Variants in MIEF1 observed in about 807,000 individuals in gnomAD.
MIEF1 encodes the protein mitochondrial elongation factor 1.
In MIEF1, 14 loss-of-function variants were observed where a neutral mutation model predicts 35.1. The ratio of observed to expected loss-of-function variants is 0.40; its 90% CI spans 0.26 to 0.62. MIEF1 has a LOEUF of 0.62. MIEF1 is among the 20% of genes least tolerant of loss of function. MIEF1 has a pLI of 0.43. For missense variants in MIEF1, 542 were observed against 615.4 expected (o/e 0.88, Z 1.26); for synonymous variants, 245 against 254.3 (o/e 0.96, Z 0.35).
intron 2 of MIEF1, among the ~76,000 whole-genome samples, chr22:39,507,739 C>T (rs1930119414): frequency 6.6e-6 from 1 of 151,844 alleles, no homozygotes; most frequent in African/African-American, 2.4e-5. Flanking sequence ...GTGGCTCATG[C>T]CTGTAATCCC....
At chr22:39,508,764 G>A (rs1345933565) in intron 2 of MIEF1, among the ~76,000 whole-genome samples, 1 of 152,180 alleles carries the variant, frequency 6.6e-6, no homozygotes, top group Non-Finnish European at 1.5e-5. Context: ...ACTGTAAATG[G>A]TAGAGAAAAG....
In MIEF1 at chr22:39,504,376, A is replaced by T; in HGVS notation, c.-166A>T. 1 of 399,036 alleles carries T rather than the reference A, an allele frequency of 2.5e-6. No individual in the cohort carries two copies. Among genetic ancestry groups the T allele is most frequent in the Non-Finnish European group, 4.4e-6 (1 of 226,084 alleles). 24.7% of individuals were successfully genotyped at this position (399,036 alleles called of 1,614,324 possible). Reference sequence around the variant, plus strand: ...AAAAATCAGAAGCTAGAGGACGCTGAGGCCCGGGAGAGGCAGCTGGAGAAG... The same window carrying T: ...AAAAATCAGAAGCTAGAGGACGCTGTGGCCCGGGAGAGGCAGCTGGAGAAG... On this transcript the variant is annotated 5_prime_UTR_variant, in exon 2 of 6. Transcript: ENST00000325301.
chr22:39,514,176 T>C lies in MIEF1; in HGVS notation c.1245T>C (p.Leu415=), dbSNP rs761214483. The change falls in exon 6 of 6, where the codon CTT becomes CTC. Residue 415 remains leucine, a synonymous_variant. Transcript: ENST00000325301. ...ADRFLQALRG[L]ISYLEAGVLP... ...GTTTCCTGCAGGCCTTGAGGGGACT[T>C]ATCAGCTACTTAGAGGCTGGAGTCC... 4.3e-6 allele frequency: 7 copies of C among 1,614,090 alleles called. No homozygotes were observed. The African/African-American group carries it at 6.7e-5, about 15-fold the overall frequency.
rs201698844 is a variant in MIEF1 at position 39,514,101 on chromosome 22, C to T, written c.1170C>T (p.Leu390=). ...LTASQLTNVI[L]HLAQEEADWS... ...CCAGCCAGCTAACCAATGTCATCCT[C>T]CACTTGGCCCAGGAGGAGGCTGACT... is the stretch of plus-strand genomic sequence containing the variant. Residue 390 remains leucine (L), a synonymous_variant, in exon 6 of 6, where the codon CTC becomes CTT. Coordinates refer to ENST00000325301, the MANE Select transcript of MIEF1 (RefSeq NM_019008.6). 3 of 1,614,210 alleles carry T rather than the reference C, an allele frequency of 1.9e-6. No individual in the cohort carries two copies. The highest frequency in any genetic ancestry group is 2.2e-5 in the East Asian group (1 of 44,892).
In MIEF1 at chr22:39,502,796, A is replaced by C. The variant is rs565746975; in HGVS notation, c.-340+359A>C. On this transcript the variant is annotated intron_variant, in intron 1 of 5. Transcript: ENST00000325301. ...CGCCGTGACAGTCGCCTTTTACAGC[A>C]TCAAACACTTCTGTTGATTTTCTGC... Among the ~76,000 whole-genome samples the C allele has an allele frequency of 9.8e-5, 15 of 152,364 alleles. 1 individual carries two copies. The highest frequency in any genetic ancestry group is 2.0e-4 in the Admixed American group (3 of 15,310).
upstream of MIEF1, chr22:39,501,592 T>A (rs930429297): frequency 1.3e-5 from 2 of 152,176 alleles, no homozygotes; most frequent in Non-Finnish European, 2.9e-5. Flanking sequence ...CGTCCTCAAA[T>A]CTAGTGAGAG....
chr22:39,514,162 G>T lies in MIEF1; in HGVS notation c.1231G>T (p.Ala411Ser), dbSNP rs772473753. 31 of 1,614,108 alleles carry T rather than the reference G, an allele frequency of 1.9e-5. No homozygotes were observed. The African/African-American group carries it at 2.9e-4, about 15-fold the overall frequency. The change falls in exon 6 of 6, where the codon GCC becomes TCC. Residue 411 changes from alanine (A) to serine (S), a missense_variant. Transcript: ENST00000325301. ...TATGCTGGCCGACCGTTTCCTGCAG[G>T]CCTTGAGGGGACTTATCAGCTACTT... is the stretch of plus-strand genomic sequence containing the variant. ...PDMLADRFLQALRGLISYLEA... is the reference protein window; with the variant it reads ...PDMLADRFLQSLRGLISYLEA...
chr22:39,513,174 C>A (rs191126660), intron 5 of MIEF1, among the ~76,000 whole-genome samples: 15 of 150,544 alleles, frequency 1.0e-4, no homozygotes, highest in South Asian at 8.4e-4. Flanking sequence ...GATCTTGGCT[C>A]ACTGCAACCT....
rs1384667227 is a variant in MIEF1, at chr22:39,516,517, A to G, written c.*2194A>G. The G allele has an allele frequency of 6.6e-6, 1 of 152,234 alleles. No individual in the cohort carries two copies. Among genetic ancestry groups the G allele is most frequent in the African/African-American group, 2.4e-5 (1 of 41,450 alleles). The allele number at this position is 152,234 out of a possible 1,614,324, so 9.4% of individuals were successfully genotyped here. A position where few individuals can be genotyped will look rare whatever the true frequency, so the allele number is the denominator to read the frequency against. ...CAGGAGTTCGAGACCAGCCTGGCCA[A>G]CATGGTGAAACCCCGTCTCCACGAA... On this transcript the variant is annotated 3_prime_UTR_variant, in exon 6 of 6. Coordinates refer to ENST00000325301, the MANE Select transcript of MIEF1 (RefSeq NM_019008.6).
In MIEF1 at chr22:39,512,344, C is replaced by T. The variant is rs1220918081; in HGVS notation, c.435C>T (p.Asn145=). The T allele has an allele frequency of 6.2e-7, 1 of 1,614,254 alleles. No homozygotes were observed. Among genetic ancestry groups the T allele is most frequent in the Non-Finnish European group, 8.5e-7 (1 of 1,180,050 alleles). ...AGAAACTTCTTACTTACTACCGGAA[C>T]CGGGCAGCCATCCCTGCTGGAGAGC... is the stretch of plus-strand genomic sequence containing the variant. ...LQEKLLTYYR[N]RAAIPAGEQA... Residue 145 remains asparagine, a synonymous_variant, in exon 5 of 6, where the codon AAC becomes AAT. Transcript: ENST00000325301.
chr22:39,507,724 G>C (rs62230592), intron 2 of MIEF1, among the ~76,000 whole-genome samples: 1 of 151,918 alleles, frequency 6.6e-6, no homozygotes, highest in African/African-American at 2.4e-5. Flanking sequence ...AATTAGCAGG[G>C]TGTGGTGGCT....
chr22:39,517,699 G>C lies in MIEF1; in HGVS notation c.*3376G>C, dbSNP rs1419720923. 6.5e-6 allele frequency: 3 copies of C among 461,200 alleles called. No individual in the cohort carries two copies. The allele number at this position is 461,200 out of a possible 1,614,324, so 28.6% of individuals were successfully genotyped here. ...TTTGTCTGAAACTCAAGGCCAAGGA[G>C]AATGATAGGAGACTTAGGACAGAGC... On this transcript the variant is annotated 3_prime_UTR_variant, in exon 6 of 6. Transcript: ENST00000325301.
In MIEF1 at chr22:39,518,062, G is replaced by C. The variant is rs1408279131; in HGVS notation, c.*3739G>C. On this transcript the variant is annotated 3_prime_UTR_variant, in exon 6 of 6. Coordinates refer to ENST00000325301, the MANE Select transcript of MIEF1 (RefSeq NM_019008.6). ...GCTGTCCTTTTTCTCCTTGAGGGAG[G>C]AAATAAAACTGCGGAATACAATGTC... 1 of 153,748 alleles carries C rather than the reference G, an allele frequency of 6.5e-6. No individual in the cohort carries two copies. The highest frequency in any genetic ancestry group is 6.5e-5 in the Admixed American group (1 of 15,376). The allele number at this position is 153,748 out of a possible 1,614,324, so 9.5% of individuals were successfully genotyped here.
rs755162749 is a variant in MIEF1, at chr22:39,513,522, G to A, written c.591G>A (p.Val197=). 20 of 1,613,318 alleles carry A rather than the reference G, an allele frequency of 1.2e-5. No individual in the cohort carries two copies. The South Asian group carries it at 2.1e-4, about 17-fold the overall frequency. Residue 197 remains valine, a synonymous_variant, in exon 6 of 6, where the codon GTG becomes GTA. Transcript: ENST00000325301. ...SGSLYDDLQV[V]TADHIQLIVP... is the part of the protein sequence containing the mutation. ...TTTAAATTCTGCCCTGACAGGTGGT[G>A]ACAGCTGACCACATCCAACTCATTG...
intron 2 of MIEF1, among the ~76,000 whole-genome samples, chr22:39,507,102 G>C (rs766505674): frequency 1.3e-5 from 2 of 152,118 alleles, no homozygotes; most frequent in Non-Finnish European, 2.9e-5. Context: ...GTTTAAACTG[G>C]AACAAGTTGA....
At chr22:39,507,855 A>T (rs923122537) in intron 2 of MIEF1, among the ~76,000 whole-genome samples, 4 of 151,864 alleles carry the variant, frequency 2.6e-5, no homozygotes, top group Non-Finnish European at 4.4e-5. Flanking sequence ...ACAGAGTGAT[A>T]CTCAGTCTCA....
In MIEF1 at chr22:39,515,342, G is replaced by C; in HGVS notation, c.*1019G>C. 1.4e-6 allele frequency: 1 copy of C among 717,722 alleles called. No homozygotes were observed. 44.5% of individuals were successfully genotyped at this position (717,722 alleles called of 1,614,324 possible). The stretch of plus-strand genomic sequence containing the variant: ...TCACTAGTTGGGGTTTGGTGGCCAT[G>C]TTTTCTACCCAGACAGGCCCTGCTT... On this transcript the variant is annotated 3_prime_UTR_variant, in exon 6 of 6. Transcript: ENST00000325301.
intron 1 of MIEF1, among the ~76,000 whole-genome samples, chr22:39,502,751 G>C (rs1057370281): frequency 7.9e-5 from 12 of 152,262 alleles, no homozygotes; most frequent in African/African-American, 2.7e-4. Flanking sequence ...GTCGCCCAGC[G>C]ACCTTGTAGT....
At chr22:39,506,499 T>C (rs1330963169) in intron 2 of MIEF1, among the ~76,000 whole-genome samples, 2 of 152,202 alleles carry the variant, frequency 1.3e-5, no homozygotes, top group African/African-American at 4.8e-5. Flanking sequence ...ACTGATCTCA[T>C]GGGATTGTTG....
Sources: allele counts gnomAD v4.1 joint callset (sites outside exome capture counted in the v4.1 genomes callset), GRCh38; gene constraint gnomAD v4.1.1; transcripts MANE v1.5; gene names NCBI Gene and HGNC (gene_info 2026-07-23, HGNC 2026-07-21).